MEIS2: variants seen among roughly 807,000 people sequenced by gnomAD.
The protein encoded by MEIS2 is Meis homeobox 2.
MEIS2 carries 9 observed loss-of-function variants against 58.6 expected under a neutral mutation model. That is an observed-to-expected ratio of 0.15 (90% CI 0.09 to 0.27). The LOEUF (loss-of-function observed/expected upper bound fraction) is 0.27. MEIS2 is among the 10% of genes least tolerant of loss of function. MEIS2 has a pLI of 1.00. For synonymous variants in MEIS2, 221 were observed against 228.4 expected (o/e 0.97, Z 0.29); for missense variants, 427 against 635.0 (o/e 0.67, Z 3.52).
At position 36,892,386 on chromosome 15, in the gene MEIS2, G is replaced by A. The variant is rs2055914303; in HGVS notation, c.1221C>T (p.Tyr407=). The change falls in exon 12 of 12, where the codon TAC becomes TAT. Residue 407 remains tyrosine (Y), a synonymous_variant. Coordinates refer to ENST00000561208, the MANE Select transcript of MEIS2 (RefSeq NM_170675.5). ...GGTGTGGGGTCATCTGGGGAGGAGT[G>A]TAACTTGGCTGTGCCATACTCATTC... is the stretch of plus-strand genomic sequence containing the variant. ...PMGMSMAQPS[Y]TPPQMTPHPT... is the part of the protein sequence containing the mutation. 1 of 1,613,804 alleles carries A rather than the reference G, an allele frequency of 6.2e-7. No individual in the cohort carries two copies. Among genetic ancestry groups the A allele is most frequent in the African/African-American group, 1.3e-5 (1 of 74,868 alleles).
intron 7 of MEIS2, among the ~76,000 whole-genome samples, chr15:37,062,884 C>A (rs964065120): frequency 2.0e-5 from 3 of 152,202 alleles, no homozygotes; most frequent in Non-Finnish European, 2.9e-5. Flanking sequence ...TCACTTGACA[C>A]TTGAAATGAT....
At chr15:37,014,963 A>G (rs977112294) in intron 8 of MEIS2, among the ~76,000 whole-genome samples, 3 of 152,226 alleles carry the variant, frequency 2.0e-5, no homozygotes, top group Non-Finnish European at 4.4e-5. Context: ...TAATCATAAA[A>G]GTACTTAATT....
intron 7 of MEIS2, among the ~76,000 whole-genome samples, chr15:37,039,165 G>A (rs2062301081): frequency 6.6e-6 from 1 of 152,176 alleles, no homozygotes; most frequent in Admixed American, 6.5e-5. Context: ...CAAGTTTGAA[G>A]TCAGTCAGTC....
chr15:36,944,235 C>T (rs1307704732), intron 9 of MEIS2, among the ~76,000 whole-genome samples: 1 of 152,006 alleles, frequency 6.6e-6, no homozygotes, highest in Non-Finnish European at 1.5e-5. Context: ...CAGGGCGATC[C>T]CTCTGGTTAA....
chr15:37,085,855 G>C (rs1475896318), intron 6 of MEIS2, among the ~76,000 whole-genome samples: 1 of 152,136 alleles, frequency 6.6e-6, no homozygotes, highest in Non-Finnish European at 1.5e-5. Context: ...AAGGCAAACA[G>C]AATACAGGGG....
chr15:37,060,317 A>T (rs1048843180), intron 7 of MEIS2, among the ~76,000 whole-genome samples: 9 of 152,218 alleles, frequency 5.9e-5, no homozygotes, highest in Admixed American at 3.9e-4. Flanking sequence ...ACTGACAAAA[A>T]TACATATTCT....
chr15:36,968,501 G>A (rs2059427556), intron 8 of MEIS2, among the ~76,000 whole-genome samples: 1 of 152,200 alleles, frequency 6.6e-6, no homozygotes, highest in Non-Finnish European at 1.5e-5. Flanking sequence ...GGCGATTAAA[G>A]TTAAGAGGCG....
chr15:37,050,064 T>C (rs1466935137), intron 7 of MEIS2, among the ~76,000 whole-genome samples: 3 of 152,306 alleles, frequency 2.0e-5, no homozygotes, highest in East Asian at 3.8e-4. Context: ...AGAACATATA[T>C]TGACTTTCAT....
At chr15:37,041,163 A>G (rs538125216) in intron 7 of MEIS2, among the ~76,000 whole-genome samples, 9 of 152,336 alleles carry the variant, frequency 5.9e-5, no homozygotes, top group African/African-American at 2.2e-4. Flanking sequence ...GAAAGAAGCT[A>G]TAGAACATTG....
intron 8 of MEIS2, among the ~76,000 whole-genome samples, chr15:37,034,303 T>G (rs1041798601): frequency 6.6e-6 from 1 of 152,134 alleles, no homozygotes; most frequent in Non-Finnish European, 1.5e-5. Context: ...TGGACTTAAC[T>G]GAGGTTCAGC....
intron 9 of MEIS2, among the ~76,000 whole-genome samples, chr15:36,906,651 GA>G (rs56715244): frequency 0.34 from 33,276 of 96,672 alleles, 3,780 homozygotes; most frequent in East Asian, 0.4. Context: ...AGCCACTCAA[GA>G]AAAAAAAAAA....
intron 8 of MEIS2, among the ~76,000 whole-genome samples, chr15:36,971,016 T>C (rs1402586486): frequency 1.3e-5 from 2 of 151,872 alleles, no homozygotes; most frequent in Non-Finnish European, 2.9e-5. Flanking sequence ...AATTTTCCCA[T>C]TGTATGTGTT....
intron 8 of MEIS2, among the ~76,000 whole-genome samples, chr15:37,006,453 C>T (rs1325361822): frequency 2.0e-5 from 3 of 152,136 alleles, no homozygotes; most frequent in African/African-American, 4.8e-5. Context: ...AGGGGTGTGA[C>T]CTTATATCTT....
At chr15:37,061,683 A>G (rs964441883) in intron 7 of MEIS2, among the ~76,000 whole-genome samples, 3 of 152,122 alleles carry the variant, frequency 2.0e-5, no homozygotes, top group Non-Finnish European at 4.4e-5. Context: ...TGACAAAATT[A>G]TTTCTTTGAA....
At chr15:37,079,951 G>T (rs1008320463) in intron 7 of MEIS2, among the ~76,000 whole-genome samples, 1 of 152,058 alleles carries the variant, frequency 6.6e-6, no homozygotes, top group Non-Finnish European at 1.5e-5. Context: ...CAACTGTCTC[G>T]GTATTTCTGG....
At chr15:36,993,769 A>C (rs758162255) in intron 8 of MEIS2, among the ~76,000 whole-genome samples, 5 of 152,204 alleles carry the variant, frequency 3.3e-5, no homozygotes, top group Non-Finnish European at 7.4e-5. Context: ...AGACTGAAGC[A>C]AAAGATTTTT....
intron 9 of MEIS2, among the ~76,000 whole-genome samples, chr15:36,900,583 C>G (rs1427085208): frequency 6.6e-6 from 1 of 152,156 alleles, no homozygotes; most frequent in Non-Finnish European, 1.5e-5. Flanking sequence ...GCCTTTCTGA[C>G]TCAACTCAGA....
chr15:37,022,897 C>G (rs1025806444), intron 8 of MEIS2, among the ~76,000 whole-genome samples: 5 of 152,116 alleles, frequency 3.3e-5, no homozygotes, highest in African/African-American at 1.2e-4. Flanking sequence ...CCTCGTGATA[C>G]ACCCTCCTCG....
At chr15:36,940,641 G>C (rs1437686267) in intron 9 of MEIS2, among the ~76,000 whole-genome samples, 1 of 152,144 alleles carries the variant, frequency 6.6e-6, no homozygotes, top group African/African-American at 2.4e-5. Context: ...TGTAATACTT[G>C]GAGAAGGTAA....
Sources: gnomAD v4.1 joint callset for allele counts (sites outside exome capture counted in the v4.1 genomes callset) on GRCh38, gnomAD v4.1.1 for gene constraint, MANE v1.5 for transcripts, NCBI Gene and HGNC (gene_info 2026-07-23, HGNC 2026-07-21) for gene names.